Variants in PAPPA observed in about 807,000 individuals in gnomAD.
The protein encoded by PAPPA is pappalysin-1.
A neutral mutation model predicts 164.0 loss-of-function variants in PAPPA; 60 were observed. The ratio of observed to expected loss-of-function variants is 0.37; its 90% CI spans 0.30 to 0.45. The LOEUF (loss-of-function observed/expected upper bound fraction) is 0.45. Among genes scored for constraint, PAPPA ranks in the 20% least tolerant of loss-of-function variants. PAPPA has a pLI of 1.00. For missense variants in PAPPA, 1,782 were observed against 2,087.3 expected (o/e 0.85, Z 2.85); for synonymous variants, 875 against 814.1 (o/e 1.07, Z -1.27).
chr9:116,281,520 G>T (rs1845267011), intron 9 of PAPPA, among the ~76,000 whole-genome samples: 1 of 152,102 alleles, frequency 6.6e-6, no homozygotes, highest in Non-Finnish European at 1.5e-5. Context: ...AGGCTAAAAA[G>T]GGTGGCCAGA....
chr9:116,372,258 T>C (rs1039007248), intron 19 of PAPPA, among the ~76,000 whole-genome samples: 2 of 152,176 alleles, frequency 1.3e-5, no homozygotes, highest in African/African-American at 4.8e-5. Flanking sequence ...CAGTTGTTGT[T>C]TTTCTGCTTC....
chr9:116,315,820 A>G (rs1030368987), intron 10 of PAPPA, among the ~76,000 whole-genome samples: 8 of 152,240 alleles, frequency 5.3e-5, no homozygotes, highest in Admixed American at 3.3e-4. Flanking sequence ...CTACACAATA[A>G]CAACAAATAC....
intron 2 of PAPPA, among the ~76,000 whole-genome samples, chr9:116,191,909 C>G (rs960079012): frequency 6.6e-6 from 1 of 152,084 alleles, no homozygotes; most frequent in East Asian, 1.9e-4. Flanking sequence ...TACTCTAGGG[C>G]GGGCAACCAT....
At position 116,193,888 on chromosome 9, in the gene PAPPA, G is replaced by A. The variant is rs556385541; in HGVS notation, c.1478+5672G>A. Among the ~76,000 whole-genome samples the A allele has an allele frequency of 2.6e-5, 4 of 152,336 alleles. No individual in the cohort carries two copies. The South Asian group carries it at 8.3e-4, about 32-fold the overall frequency. On this transcript the variant is annotated intron_variant, in intron 2 of 21. Transcript: ENST00000328252. ...CTTCCATGAGCTCTGAGAAAGGGCA[G>A]GATCACTGTGGTTTGGAGAAGTTAG...
intron 19 of PAPPA, among the ~76,000 whole-genome samples, chr9:116,371,464 G>A (rs527917679): frequency 6.6e-6 from 1 of 152,126 alleles, no homozygotes; most frequent in African/African-American, 2.4e-5. Flanking sequence ...CATATTAGTA[G>A]TAGTAGTATT....
chr9:116,332,089 G>A (rs1451446437), intron 11 of PAPPA, among the ~76,000 whole-genome samples: 1 of 152,052 alleles, frequency 6.6e-6, no homozygotes, highest in African/African-American at 2.4e-5. Flanking sequence ...GAGTGGCCCA[G>A]CCATTCACTC....
chr9:116,195,124 A>G (rs1227597758), intron 2 of PAPPA, among the ~76,000 whole-genome samples: 1 of 152,136 alleles, frequency 6.6e-6, no homozygotes, highest in Non-Finnish European at 1.5e-5. Context: ...TGAAGTTACT[A>G]TATGTTTCCA....
chr9:116,343,018 A>ACATG (rs1846158171), intron 13 of PAPPA, among the ~76,000 whole-genome samples: 1 of 152,216 alleles, frequency 6.6e-6, no homozygotes. Flanking sequence ...TCTGCCCTCA[A>ACATG]GGACGTTCTA....
chr9:116,394,109 T>C (rs145958188), intron 21 of PAPPA, among the ~76,000 whole-genome samples: 4 of 152,142 alleles, frequency 2.6e-5, no homozygotes, highest in African/African-American at 7.2e-5. Flanking sequence ...GTGCTAATGA[T>C]AGAATGAGAG....
chr9:116,185,026 T>A (rs980535696), intron 1 of PAPPA, among the ~76,000 whole-genome samples: 5 of 151,450 alleles, frequency 3.3e-5, no homozygotes, highest in African/African-American at 7.3e-5. Context: ...GTAAAAAGAG[T>A]TCAAAGAAGA....
At chr9:116,199,456 ACTT>A (rs907258487) in intron 2 of PAPPA, among the ~76,000 whole-genome samples, 6 of 152,064 alleles carry the variant, frequency 3.9e-5, no homozygotes, top group African/African-American at 1.4e-4. Flanking sequence ...GAATACCACT[ACTT>A]CTTATATACA....
intron 7 of PAPPA, among the ~76,000 whole-genome samples, chr9:116,258,210 G>A (rs922283630): frequency 1.3e-5 from 2 of 152,068 alleles, no homozygotes; most frequent in African/African-American, 4.8e-5. Context: ...ACAGGCATTT[G>A]TAAGGAGAAA....
intron 7 of PAPPA, among the ~76,000 whole-genome samples, chr9:116,256,866 C>T (rs1201159915): frequency 6.6e-6 from 1 of 151,642 alleles, no homozygotes; most frequent in Non-Finnish European, 1.5e-5. Context: ...ATGTATAGAA[C>T]CCTGATACAG....
intron 7 of PAPPA, among the ~76,000 whole-genome samples, chr9:116,259,409 A>G (rs1030693562): frequency 1.3e-5 from 2 of 152,108 alleles, no homozygotes; most frequent in African/African-American, 4.8e-5. Context: ...TTAATTATAA[A>G]GAATTAATAT....
intron 4 of PAPPA, among the ~76,000 whole-genome samples, chr9:116,214,330 A>G (rs138078891): frequency 4.9e-4 from 75 of 152,302 alleles, no homozygotes; most frequent in African/African-American, 1.8e-3. Flanking sequence ...AATTTTTCAT[A>G]GGCTTGTCTC....
chr9:116,258,214 G>A (rs1024916733), intron 7 of PAPPA, among the ~76,000 whole-genome samples: 7 of 152,050 alleles, frequency 4.6e-5, no homozygotes, highest in African/African-American at 1.4e-4. Flanking sequence ...GCATTTGTAA[G>A]GAGAAAGCTT....
chr9:116,381,412 G>A (rs1846729725), intron 20 of PAPPA, among the ~76,000 whole-genome samples: 2 of 152,218 alleles, frequency 1.3e-5, no homozygotes, highest in South Asian at 4.1e-4. Context: ...AGAGCTCACA[G>A]TCTTGCACCA....
At chr9:116,262,989 C>T (rs1020059258) in intron 7 of PAPPA, among the ~76,000 whole-genome samples, 4 of 152,062 alleles carry the variant, frequency 2.6e-5, no homozygotes, top group African/African-American at 4.8e-5. Flanking sequence ...GGAATTTTTC[C>T]GTGGAAAACA....
chr9:116,216,639 T>A (rs1260803148), intron 4 of PAPPA, among the ~76,000 whole-genome samples: 2 of 152,236 alleles, frequency 1.3e-5, no homozygotes, highest in Non-Finnish European at 2.9e-5. Flanking sequence ...TTGAGGCAGA[T>A]CTTTTGTGAT....
Sources: allele counts gnomAD v4.1 joint callset (sites outside exome capture counted in the v4.1 genomes callset), GRCh38; gene constraint gnomAD v4.1.1; transcripts MANE v1.5; gene names NCBI Gene and HGNC (gene_info 2026-07-23, HGNC 2026-07-21).